DYRK3: variants seen among roughly 807,000 people sequenced by gnomAD.
DYRK3 encodes the protein dual specificity tyrosine phosphorylation regulated kinase 3, also known as dual specificity tyrosine-phosphorylation-regulated kinase 3.
A neutral mutation model predicts 40.8 loss-of-function variants in DYRK3; 30 were observed. The observed-to-expected ratio is 0.74, with a 90% CI of 0.55 to 1.00. DYRK3 has a LOEUF of 1.00. Among genes scored for constraint, DYRK3 ranks in the 50% least tolerant of loss-of-function variants. DYRK3 has a pLI of 0.00. For synonymous variants in DYRK3, 272 were observed against 260.7 expected (o/e 1.04, Z -0.42); for missense variants, 699 against 731.5 (o/e 0.96, Z 0.51).
chr1:206,637,810 G>T, intron 2 of DYRK3, 49 bp downstream of exon 2: 3 of 1,463,462 alleles, frequency 2.0e-6, no homozygotes, highest in Non-Finnish European at 2.9e-6. Context: ...TGGAAAGGAG[G>T]AAGTGCTACT....
Position 206,639,134 on chromosome 1 carries a change from C to T in DYRK3, c.189+1373C>T, listed in dbSNP as rs1430539362. Reference sequence around the variant, plus strand: ...CCTTAAGTGGTCCACTTCCCTCGGCCTCTGGAAGTGCTGGGATTACAGGCG... The same window carrying T: ...CCTTAAGTGGTCCACTTCCCTCGGCTTCTGGAAGTGCTGGGATTACAGGCG... On this transcript the variant is annotated intron_variant, in intron 2 of 2. Coordinates refer to ENST00000367109, the MANE Select transcript of DYRK3 (RefSeq NM_003582.4). Among the ~76,000 whole-genome samples, 3 of 152,014 alleles carry T rather than the reference C, an allele frequency of 2.0e-5. No homozygotes were observed. In the South Asian group the frequency reaches 6.2e-4, roughly 31 times the overall value.
chr1:206,648,085 A>G lies in DYRK3; in HGVS notation c.887A>G (p.Tyr296Cys). ...TTTGAATTGCTGAGCATAGACCTTT[A>G]TGAGCTGATTAAAAAAAATAAGTTT... ...MAFELLSIDL[Y>C]ELIKKNKFQG... The change falls in exon 3 of 3, where the codon TAT becomes TGT. Residue 296 changes from tyrosine to cysteine, a missense_variant. By Grantham distance (194) the Tyr-to-Cys change is radical. Transcript: ENST00000367109. 1 of 1,614,136 alleles carries G rather than the reference A, an allele frequency of 6.2e-7. No homozygotes were observed. Among genetic ancestry groups the G allele is most frequent in the South Asian group, 1.1e-5 (1 of 91,084 alleles).
chr1:206,635,604 G>T lies in DYRK3; in HGVS notation c.-100G>T. The T allele has an allele frequency of 1.6e-6, 2 of 1,222,338 alleles. No individual in the cohort carries two copies. Among genetic ancestry groups the T allele is most frequent in the Non-Finnish European group, 2.0e-6 (2 of 976,474 alleles). The allele number at this position is 1,222,338 out of a possible 1,614,324, so 75.7% of individuals were successfully genotyped here. A position where few individuals can be genotyped will look rare whatever the true frequency, so the allele number is the denominator to read the frequency against. ...GCAGTGTCTGGTCGAGAGTACCCGT[G>T]GGAGCGTCGCGCCGCGGAGGCAGCC... On this transcript the variant is annotated 5_prime_UTR_variant, in exon 1 of 3. Transcript: ENST00000367109.
intron 2 of DYRK3, among the ~76,000 whole-genome samples, chr1:206,642,814 T>C (rs1315930657): frequency 6.6e-6 from 1 of 151,956 alleles, no homozygotes; most frequent in African/African-American, 2.4e-5. Context: ...TTAGGAGATA[T>C]ACCTAATGTA....
Position 206,651,171 on chromosome 1 carries a change from C to T in DYRK3, c.*2206C>T, listed in dbSNP as rs1671622412. ...TTCAGATGTCACACTAAATGCTGCT[C>T]ATAACCCATCCTCCTCTTCTTTATT... On this transcript the variant is annotated 3_prime_UTR_variant, in exon 3 of 3. Coordinates refer to ENST00000367109, the MANE Select transcript of DYRK3 (RefSeq NM_003582.4). Among the ~76,000 whole-genome samples, 1 of 152,202 alleles carries T rather than the reference C, an allele frequency of 6.6e-6. No homozygotes were observed. Among genetic ancestry groups the T allele is most frequent in the Non-Finnish European group, 1.5e-5 (1 of 68,036 alleles).
chr1:206,643,285 A>G (rs1671342833), intron 2 of DYRK3, among the ~76,000 whole-genome samples: 1 of 152,140 alleles, frequency 6.6e-6, no homozygotes, highest in South Asian at 2.1e-4. Context: ...GCAAGGAGAG[A>G]AATTTAGGCT....
chr1:206,648,434 G>C lies in DYRK3; in HGVS notation c.1236G>C (p.Glu412Asp). 1 of 1,614,190 alleles carries C rather than the reference G, an allele frequency of 6.2e-7. No individual in the cohort carries two copies. Among genetic ancestry groups the C allele is most frequent in the Non-Finnish European group, 8.5e-7 (1 of 1,180,024 alleles). The change falls in exon 3 of 3, where the codon GAG becomes GAC. Residue 412 changes from glutamate to aspartate, a missense_variant. Physicochemically the swap from Glu to Asp is conservative, Grantham distance 45. Coordinates refer to ENST00000367109, the MANE Select transcript of DYRK3 (RefSeq NM_003582.4). ...CAGGACAGCCTCTCTTCCCTGGAGA[G>C]GATGAAGGAGACCAGTTGGCCTGCA... ...LLTGQPLFPG[E>D]DEGDQLACMM...
chr1:206,641,279 C>T (rs544974137), intron 2 of DYRK3, among the ~76,000 whole-genome samples: 4 of 152,178 alleles, frequency 2.6e-5, no homozygotes, highest in Admixed American at 6.5e-5. Context: ...CATTCTTAAG[C>T]CCTTTCATCG....
intron 2 of DYRK3, among the ~76,000 whole-genome samples, chr1:206,646,861 C>T (rs374289473): frequency 1.3e-5 from 2 of 152,130 alleles, no homozygotes; most frequent in East Asian, 3.9e-4. Context: ...TGCTATATGT[C>T]CTTAATATTT....
chr1:206,638,434 G>A (rs1360777111), intron 2 of DYRK3, among the ~76,000 whole-genome samples: 2 of 151,348 alleles, frequency 1.3e-5, no homozygotes, highest in African/African-American at 4.9e-5. Context: ...GTGCCACCAC[G>A]CCTGGCTAAT....
In DYRK3 at chr1:206,648,463, T is replaced by C. The variant is rs1553420732; in HGVS notation, c.1265T>C (p.Met422Thr). The stretch of plus-strand genomic sequence containing the variant: ...GAAGGAGACCAGTTGGCCTGCATGA[T>C]GGAGCTTCTAGGGATGCCACCACCA... ...EDEGDQLACM[M>T]ELLGMPPPKL... Residue 422 changes from methionine to threonine, a missense_variant, in exon 3 of 3, where the codon ATG becomes ACG. Physicochemically the swap from Met to Thr is moderately conservative, Grantham distance 81. Coordinates refer to ENST00000367109, the MANE Select transcript of DYRK3 (RefSeq NM_003582.4). The C allele has an allele frequency of 3.1e-6, 5 of 1,614,160 alleles. No individual in the cohort carries two copies. In the East Asian group the frequency reaches 8.9e-5, roughly 29 times the overall value.
At chr1:206,646,750 G>A (rs1415757580) in intron 2 of DYRK3, among the ~76,000 whole-genome samples, 2 of 152,206 alleles carry the variant, frequency 1.3e-5, no homozygotes, top group Non-Finnish European at 2.9e-5. Context: ...AATGGCAAGG[G>A]CCCTTGAATA....
Position 206,652,509 on chromosome 1 carries a change from T to G in DYRK3, c.*3544T>G, listed in dbSNP as rs1233371096. Among the ~76,000 whole-genome samples the G allele has an allele frequency of 4.6e-5, 7 of 152,176 alleles. No homozygotes were observed. The highest frequency in any genetic ancestry group is 1.7e-4 in the African/African-American group (7 of 41,428). On this transcript the variant is annotated 3_prime_UTR_variant, in exon 3 of 3. Transcript: ENST00000367109. Reference sequence around the variant, plus strand: ...CAACTCATTACACTGTAGACAGATTTTAGAAAGCTACAGGAAGGCAAATGG... The same window carrying G: ...CAACTCATTACACTGTAGACAGATTGTAGAAAGCTACAGGAAGGCAAATGG...
intron 2 of DYRK3, among the ~76,000 whole-genome samples, chr1:206,647,093 C>G (rs1277688603): frequency 6.6e-6 from 1 of 151,746 alleles, no homozygotes; most frequent in Non-Finnish European, 1.5e-5. Context: ...ATTCTCAGTA[C>G]AAGGACACAT....
chr1:206,642,082 G>GA (rs1412971686), intron 2 of DYRK3, among the ~76,000 whole-genome samples: 1 of 150,464 alleles, frequency 6.6e-6, no homozygotes, highest in South Asian at 2.1e-4. Flanking sequence ...AAATTTACAA[G>GA]AAAAAATCAA....
rs1389563383 is a variant in DYRK3 at position 206,654,623 on chromosome 1, G to C, written c.*5658G>C. Among the ~76,000 whole-genome samples, 1 of 152,078 alleles carries C rather than the reference G, an allele frequency of 6.6e-6. No individual in the cohort carries two copies. Among genetic ancestry groups the C allele is most frequent in the African/African-American group, 2.4e-5 (1 of 41,394 alleles). On this transcript the variant is annotated 3_prime_UTR_variant, in exon 3 of 3. Coordinates refer to ENST00000367109, the MANE Select transcript of DYRK3 (RefSeq NM_003582.4). Reference sequence around the variant, plus strand: ...CTGGCCTTCAGCCTAATATGATTAGGGTGTTTTTCTGAGTGTCTGTCAAAT... The same window carrying C: ...CTGGCCTTCAGCCTAATATGATTAGCGTGTTTTTCTGAGTGTCTGTCAAAT...
At chr1:206,640,899 A>G (rs1307188922) in intron 2 of DYRK3, among the ~76,000 whole-genome samples, 4 of 152,292 alleles carry the variant, frequency 2.6e-5, no homozygotes, top group African/African-American at 9.6e-5. Context: ...GATTCTATTT[A>G]AAATGCCAGA....
rs1189106974 is a variant in DYRK3, at chr1:206,654,401, A to G, written c.*5436A>G. ...TAGAGCAGCGGCAGGCATTCATGCT[A>G]TGGAAAACCTGGAGTCAGTACAAAT... On this transcript the variant is annotated 3_prime_UTR_variant, in exon 3 of 3. Transcript: ENST00000367109. 6.6e-6 allele frequency among the ~76,000 whole-genome samples: 1 copy of G among 152,254 alleles called. No individual in the cohort carries two copies. Among genetic ancestry groups the G allele is most frequent in the African/African-American group, 2.4e-5 (1 of 41,464 alleles).
chr1:206,643,468 T>TA (rs1368051995), intron 2 of DYRK3, among the ~76,000 whole-genome samples: 1 of 152,176 alleles, frequency 6.6e-6, no homozygotes, highest in Non-Finnish European at 1.5e-5. Context: ...AGTCCAGCCT[T>TA]ACACGTAAGC....
Sources: allele counts gnomAD v4.1 joint callset (sites outside exome capture counted in the v4.1 genomes callset), GRCh38; gene constraint gnomAD v4.1.1; transcripts MANE v1.5; gene names NCBI Gene and HGNC (gene_info 2026-07-23, HGNC 2026-07-21).